Variants in FGF14 observed in about 807,000 individuals in gnomAD.
FGF14 encodes fibroblast growth factor 14.
In FGF14, 5 loss-of-function variants were observed where a neutral mutation model predicts 25.5. That is an observed-to-expected ratio of 0.20 (90% CI 0.10 to 0.41). FGF14 has a LOEUF of 0.41. Ranked by LOEUF, FGF14 falls within the 10% of genes least tolerant of loss-of-function variation. The pLI is 1.00. For missense variants in FGF14, 222 were observed against 320.1 expected, an observed-to-expected ratio of 0.69 and a Z score of 2.34; for synonymous variants, 138 against 118.3, an observed-to-expected ratio of 1.17 and a Z score of -1.08.
At chr13:101,886,690 T>C (rs892848331) in intron 1 of FGF14, among the ~76,000 whole-genome samples, 1 of 152,052 alleles carries the variant, frequency 6.6e-6, no homozygotes, top group Non-Finnish European at 1.5e-5. Context: ...CAAATATAGA[T>C]AAATGGGATT....
chr13:101,875,685 G>T (rs1307136158), intron 1 of FGF14, among the ~76,000 whole-genome samples: 1 of 151,922 alleles, frequency 6.6e-6, no homozygotes, highest in African/African-American at 2.4e-5. Context: ...TTTATTAAAA[G>T]GTTTTTTAAT....
At chr13:102,189,193 G>T (rs2049027793) in intron 1 of FGF14, among the ~76,000 whole-genome samples, 1 of 152,060 alleles carries the variant, frequency 6.6e-6, no homozygotes, top group Non-Finnish European at 1.5e-5. Context: ...TAAAAGACTA[G>T]ATCATAGAAG....
Position 101,954,697 on chromosome 13 carries a change from A to C in FGF14, c.209-79401T>G, listed in dbSNP as rs187144214. 1.1e-3 allele frequency among the ~76,000 whole-genome samples: 128 copies of C among 118,898 alleles called. 1 individual carries two copies. The highest frequency in any genetic ancestry group is 4.9e-3 in the African/African-American group (117 of 23,872). 78.0% of individuals were successfully genotyped at this position (118,898 alleles called of 152,430 possible). A position where few individuals can be genotyped will look rare whatever the true frequency, so the allele number is the denominator to read the frequency against. ...GCAGAAGACAGTTCTGAATTCACTG[A>C]AAGTGTGTGTGTGTGTGTGTGTGTG... On this transcript the variant is annotated intron_variant, in intron 1 of 4. Transcript: ENST00000376131.
chr13:102,178,328 G>A (rs948230581), intron 1 of FGF14, among the ~76,000 whole-genome samples: 6 of 152,018 alleles, frequency 3.9e-5, no homozygotes, highest in African/African-American at 7.2e-5. Context: ...TGCTGACTTA[G>A]GTCACCAGTT....
chr13:101,871,144 T>G (rs975706928), intron 2 of FGF14, among the ~76,000 whole-genome samples: 3 of 152,122 alleles, frequency 2.0e-5, no homozygotes, highest in Admixed American at 6.6e-5. Flanking sequence ...AATTGAGATA[T>G]AATTTTATTT....
At chr13:101,905,545 C>T (rs1417902108) in intron 1 of FGF14, among the ~76,000 whole-genome samples, 1 of 151,874 alleles carries the variant, frequency 6.6e-6, no homozygotes, top group Non-Finnish European at 1.5e-5. Context: ...CACGCTGGGG[C>T]CTGTTGGGAG....
At chr13:101,963,990 A>G (rs2037029717) in intron 1 of FGF14, among the ~76,000 whole-genome samples, 1 of 152,254 alleles carries the variant, frequency 6.6e-6, no homozygotes, top group Non-Finnish European at 1.5e-5. Flanking sequence ...ATAATAATAA[A>G]TGCTGAAGTG....
At chr13:102,263,795 A>G (rs904677784) in intron 1 of FGF14, among the ~76,000 whole-genome samples, 1 of 152,206 alleles carries the variant, frequency 6.6e-6, no homozygotes, top group African/African-American at 2.4e-5. Context: ...ACACTCTTAG[A>G]CAGTGAAATA....
chr13:102,231,101 C>A (rs905340219), intron 1 of FGF14, among the ~76,000 whole-genome samples: 1 of 152,142 alleles, frequency 6.6e-6, no homozygotes, highest in African/African-American at 2.4e-5. Flanking sequence ...ATCTGTCAAT[C>A]TGGTGAGCCA....
intron 1 of FGF14, among the ~76,000 whole-genome samples, chr13:101,971,478 C>T (rs148535825): frequency 2.0e-5 from 3 of 152,176 alleles, no homozygotes; most frequent in Non-Finnish European, 2.9e-5. Context: ...TCAAGCAGTC[C>T]TCCCACCTCA....
chr13:101,919,635 G>A (rs181088473), upstream of FGF14, among the ~76,000 whole-genome samples: 92 of 151,862 alleles, frequency 6.1e-4, no homozygotes, highest in Middle Eastern at 0.017. Flanking sequence ...CCGCGGACAG[G>A]GATCCCGCCC....
At chr13:102,008,440 G>T (rs530693695) in intron 1 of FGF14, among the ~76,000 whole-genome samples, 2 of 152,172 alleles carry the variant, frequency 1.3e-5, no homozygotes, top group Non-Finnish European at 2.9e-5. Flanking sequence ...AGGCATCTGT[G>T]TATTTTGGGT....
chr13:102,103,456 C>G (rs917316548), intron 1 of FGF14, among the ~76,000 whole-genome samples: 1 of 54,988 alleles, frequency 1.8e-5, no homozygotes, highest in Non-Finnish European at 3.2e-5. Context: ...TTTTTATGAA[C>G]TGAGCCCCTG....
rs2063107429 is a variant in FGF14 at position 102,055,775 on chromosome 13, T to C, written c.209-180479A>G. Among the ~76,000 whole-genome samples, 3 of 152,322 alleles carry C rather than the reference T, an allele frequency of 2.0e-5. No individual in the cohort carries two copies. The South Asian group carries it at 6.2e-4, about 32-fold the overall frequency. ...CAAATAAAGCTTTTGTATTAATCTA[T>C]TTTCATACTGCTGATAAATACATAC... On this transcript the variant is annotated intron_variant, in intron 1 of 4. Transcript: ENST00000376131.
At chr13:101,739,110 T>G (rs549078747) in intron 3 of FGF14, among the ~76,000 whole-genome samples, 2 of 51,474 alleles carry the variant, frequency 3.9e-5, no homozygotes, top group Non-Finnish European at 8.9e-5. Flanking sequence ...TATATATACA[T>G]GTATATATAT....
At chr13:101,879,077 A>G (rs898888741) in intron 1 of FGF14, among the ~76,000 whole-genome samples, 105 of 152,294 alleles carry the variant, frequency 6.9e-4, no homozygotes, top group African/African-American at 2.4e-3. Context: ...AAAATGCAAA[A>G]TACTTTTTAA....
chr13:102,066,330 C>T (rs1353886147), intron 1 of FGF14, among the ~76,000 whole-genome samples: 1 of 152,128 alleles, frequency 6.6e-6, no homozygotes, highest in East Asian at 1.9e-4. Flanking sequence ...TTAGAGAACA[C>T]ATTAAAAAGC....
intron 3 of FGF14, among the ~76,000 whole-genome samples, chr13:101,824,946 AGAAG>A (rs2042329877): frequency 6.6e-6 from 1 of 152,244 alleles, no homozygotes; most frequent in Non-Finnish European, 1.5e-5. Flanking sequence ...CCACAGGGAC[AGAAG>A]CTCCTGCACT....
chr13:101,825,227 C>G (rs1312779201), intron 3 of FGF14, among the ~76,000 whole-genome samples: 1 of 152,070 alleles, frequency 6.6e-6, no homozygotes, highest in African/African-American at 2.4e-5. Context: ...CCTGTGAGAT[C>G]TGACACTAAC....
Sources: allele counts gnomAD v4.1 joint callset (sites outside exome capture counted in the v4.1 genomes callset), GRCh38; gene constraint gnomAD v4.1.1; transcripts MANE v1.5; gene names NCBI Gene and HGNC (gene_info 2026-07-23, HGNC 2026-07-21).